ANO4: variants seen among roughly 807,000 people sequenced by gnomAD.
The protein encoded by ANO4 is anoctamin 4.
A neutral mutation model predicts 141.9 loss-of-function variants in ANO4; 69 were observed. The ratio of observed to expected loss-of-function variants is 0.49; its 90% CI spans 0.40 to 0.59. The LOEUF (loss-of-function observed/expected upper bound fraction) is 0.59, where lower values mean the gene tolerates loss of function less well. ANO4 is among the 20% of genes least tolerant of loss of function. The pLI, the probability that ANO4 is intolerant of heterozygous loss-of-function variation, is 0.00. For missense variants in ANO4, 894 were observed against 1,162.2 expected (o/e 0.77, Z 3.36); for synonymous variants, 350 against 394.3 (o/e 0.89, Z 1.33).
At chr12:100,979,734 ATT>A (rs970167518) in intron 7 of ANO4, among the ~76,000 whole-genome samples, 1 of 147,800 alleles carries the variant, frequency 6.8e-6, no homozygotes. Flanking sequence ...TCTTTTATTT[ATT>A]TTTTTTTTTG....
rs553539146 is a variant in ANO4 at position 101,032,798 on chromosome 12, C to G, written c.842-4297C>G. Among the ~76,000 whole-genome samples the G allele has an allele frequency of 6.8e-3, 1,030 of 151,346 alleles. 12 individuals carry two copies. The highest frequency in any genetic ancestry group is 0.023 in the African/African-American group (955 of 41,160). ...ATCTCACACCAGTTAGAATGGCAAT[C>G]ATTAAAAAGTCAGGAAACAACAGGT... On this transcript the variant is annotated intron_variant, in intron 9 of 27. Coordinates refer to ENST00000392977, the MANE Select transcript of ANO4 (RefSeq NM_001286615.2).
At chr12:100,835,908 TTTAA>T (rs2036885702) in intron 1 of ANO4, among the ~76,000 whole-genome samples, 1 of 152,128 alleles carries the variant, frequency 6.6e-6, no homozygotes, top group African/African-American at 2.4e-5. Context: ...ACTTACATTA[TTTAA>T]TTAAGCAAGG....
intron 14 of ANO4, chr12:101,066,993 A>T: frequency 2.4e-6 from 1 of 420,368 alleles, no homozygotes. Context: ...AACTTAAAGT[A>T]TAACAAAAAA....
intron 7 of ANO4, among the ~76,000 whole-genome samples, chr12:100,985,371 T>G (rs2136324803): frequency 6.6e-6 from 1 of 152,358 alleles, no homozygotes; most frequent in East Asian, 1.9e-4. Flanking sequence ...AGCCAGCATT[T>G]CCTGTATACC....
At chr12:101,055,822 T>C (rs939709325) in intron 14 of ANO4, among the ~76,000 whole-genome samples, 17 of 152,218 alleles carry the variant, frequency 1.1e-4, no homozygotes, top group African/African-American at 3.6e-4. Context: ...TTATGACTTA[T>C]TTCAAGTTGG....
At chr12:101,042,519 C>T (rs1289135120) in intron 12 of ANO4, 51 bp downstream of exon 12, 6 of 1,605,000 alleles carry the variant, frequency 3.7e-6, no homozygotes, top group Non-Finnish European at 4.3e-6. Flanking sequence ...TTAGAGGTGG[C>T]TGTTTGCACT....
chr12:100,940,029 C>T (rs555143715), intron 4 of ANO4, among the ~76,000 whole-genome samples: 6 of 150,050 alleles, frequency 4.0e-5, no homozygotes, highest in East Asian at 2.0e-4. Context: ...ATAGGCACAC[C>T]GAATCAGAGT....
At chr12:100,763,338 G>A (rs1480944843) in intron 3 of ANO4, among the ~76,000 whole-genome samples, 1 of 152,150 alleles carries the variant, frequency 6.6e-6, no homozygotes, top group African/African-American at 2.4e-5. Flanking sequence ...TTGAGTAACA[G>A]ATTTTTTCTT....
chr12:100,736,529 CAAGTG>C (rs1224321159), intron 2 of ANO4, among the ~76,000 whole-genome samples: 1 of 152,122 alleles, frequency 6.6e-6, no homozygotes, highest in African/African-American at 2.4e-5. Context: ...AGACTTGGGC[CAAGTG>C]GCCTTCCCTG....
chr12:100,875,872 T>C (rs1310852433), intron 1 of ANO4, among the ~76,000 whole-genome samples: 1 of 152,178 alleles, frequency 6.6e-6, no homozygotes, highest in Non-Finnish European at 1.5e-5. Flanking sequence ...GGGGTGGGGA[T>C]AACTTAACAG....
chr12:101,034,457 G>A lies in ANO4; in HGVS notation c.842-2638G>A, dbSNP rs112379424. Among the ~76,000 whole-genome samples, 974 of 152,238 alleles carry A rather than the reference G, an allele frequency of 6.4e-3. 7 individuals are homozygous for A. Among genetic ancestry groups the A allele is most frequent in the Non-Finnish European group, 9.3e-3 (632 of 68,012 alleles). On this transcript the variant is annotated intron_variant, in intron 9 of 27. Transcript: ENST00000392977. ...GAACAATGAGAACCTATGGACACAG[G>A]GATGGAAACAACACACAATAGGCCT...
chr12:101,120,790 T>C (rs1709191), intron 26 of ANO4, among the ~76,000 whole-genome samples, 165 bp downstream of exon 26: 3 of 152,210 alleles, frequency 2.0e-5, no homozygotes, highest in Non-Finnish European at 2.9e-5. Context: ...TTAATTGAAG[T>C]ATTTGATTTT....
chr12:101,047,865 C>A, intron 13 of ANO4: 1 of 275,056 alleles, frequency 3.6e-6, no homozygotes, highest in South Asian at 1.4e-4. Flanking sequence ...AGGCTGAAAT[C>A]CAGAGGGCAG....
intron 1 of ANO4, among the ~76,000 whole-genome samples, chr12:100,888,581 T>C (rs1287199250): frequency 6.6e-6 from 1 of 152,248 alleles, no homozygotes; most frequent in African/African-American, 2.4e-5. Flanking sequence ...AGCCTGTTTT[T>C]CCTCCCAACC....
intron 14 of ANO4, among the ~76,000 whole-genome samples, chr12:101,052,725 A>C (rs754133444): frequency 7.9e-5 from 12 of 151,626 alleles, no homozygotes; most frequent in Non-Finnish European, 1.5e-4. Context: ...TTATAGTCTT[A>C]TCTACATGTT....
chr12:100,954,045 A>G (rs2043081288), intron 5 of ANO4, among the ~76,000 whole-genome samples: 1 of 152,138 alleles, frequency 6.6e-6, no homozygotes, highest in Non-Finnish European at 1.5e-5. Flanking sequence ...GTCCTTTTCC[A>G]TTAATCAGTT....
chr12:100,934,692 T>G (rs545459238), intron 3 of ANO4, among the ~76,000 whole-genome samples: 1 of 152,324 alleles, frequency 6.6e-6, no homozygotes, highest in South Asian at 2.1e-4. Context: ...AGTATGGCCA[T>G]TTTCATGATA....
At chr12:100,782,633 A>G (rs2033746736) in intron 3 of ANO4, among the ~76,000 whole-genome samples, 1 of 152,306 alleles carries the variant, frequency 6.6e-6, no homozygotes, top group South Asian at 2.1e-4. Flanking sequence ...ACCTTGGGCA[A>G]TGCTGAACTT....
At chr12:101,084,982 T>C (rs913559524) in intron 16 of ANO4, among the ~76,000 whole-genome samples, 1 of 152,186 alleles carries the variant, frequency 6.6e-6, no homozygotes, top group African/African-American at 2.4e-5. Context: ...CAGCATAGAT[T>C]TTACCTGTCT....
Sources: allele counts gnomAD v4.1 joint callset (sites outside exome capture counted in the v4.1 genomes callset), GRCh38; gene constraint gnomAD v4.1.1; transcripts MANE v1.5; gene names NCBI Gene and HGNC (gene_info 2026-07-23, HGNC 2026-07-21).